The following AVEN variants were observed in gnomAD, a reference collection of about 807,000 sequenced individuals.
The protein encoded by AVEN is cell death regulator Aven.
In AVEN, 41 loss-of-function variants were observed where a neutral mutation model predicts 38.1. The ratio of observed to expected loss-of-function variants is 1.08; its 90% confidence interval spans 0.84 to 1.40. The LOEUF (loss-of-function observed/expected upper bound fraction) is 1.40, where lower values mean the gene tolerates loss of function less well. Ranked by LOEUF, AVEN falls within the 40% of genes most tolerant of loss-of-function variation. AVEN has a pLI of 0.00. For missense variants in AVEN, 605 were observed against 438.8 expected, an observed-to-expected ratio of 1.38 and a Z score of -3.38; for synonymous variants, 206 against 171.8, an observed-to-expected ratio of 1.20 and a Z score of -1.56.
exon 12 of AVEN, chr15:33,859,000 T>TAAGA (rs2080040551): frequency 6.5e-6 from 1 of 153,086 alleles, no homozygotes; most frequent in East Asian, 1.9e-4. Context: ...TTTCCAGGTG[T>TAAGA]AAGACGGTCC....
chr15:33,992,223 T>TA (rs1049636446), intron 2 of AVEN, among the ~76,000 whole-genome samples: 3 of 152,050 alleles, frequency 2.0e-5, no homozygotes, highest in Non-Finnish European at 2.9e-5. Flanking sequence ...CCGTCTCTAC[T>TA]AAAAAAATAC....
chr15:33,877,423 C>A (rs1891286978), intron 2 of AVEN, among the ~76,000 whole-genome samples: 1 of 152,146 alleles, frequency 6.6e-6, no homozygotes, highest in Non-Finnish European at 1.5e-5. Flanking sequence ...TCTGGAAAAC[C>A]AAAACAATGA....
At chr15:33,858,609 A>T (rs1229174046), downstream of AVEN, 1 of 152,742 alleles carries the variant, frequency 6.5e-6, no homozygotes, top group African/African-American at 2.4e-5. Context: ...ATGGACCGGG[A>T]TTAAGCACTT....
intron 5 of AVEN, among the ~76,000 whole-genome samples, chr15:34,056,077 G>A (rs1900137080): frequency 6.6e-6 from 1 of 152,134 alleles, no homozygotes; most frequent in African/African-American, 2.4e-5. Context: ...AAAATATGCT[G>A]AGGGCTGTTT....
At chr15:33,963,746 G>A (rs942505703) in intron 2 of AVEN, among the ~76,000 whole-genome samples, 2 of 145,912 alleles carry the variant, frequency 1.4e-5, no homozygotes, top group African/African-American at 2.5e-5. Context: ...GCAGTGAGCC[G>A]AGATCGCACC....
intron 1 of AVEN, among the ~76,000 whole-genome samples, chr15:34,036,363 C>G (rs1481693640): frequency 6.6e-6 from 1 of 152,074 alleles, no homozygotes; most frequent in Admixed American, 6.6e-5. Flanking sequence ...AAATAGAAAG[C>G]AAAGGTGTAC....
At chr15:34,032,659 C>T (rs536631026) in intron 1 of AVEN, among the ~76,000 whole-genome samples, 85 of 152,256 alleles carry the variant, frequency 5.6e-4, no homozygotes, top group African/African-American at 2.0e-3. Flanking sequence ...AGTATATGAG[C>T]AGTATGTTTT....
intron 2 of AVEN, among the ~76,000 whole-genome samples, chr15:33,909,041 C>G (rs1035711581): frequency 2.0e-5 from 3 of 152,202 alleles, no homozygotes; most frequent in Non-Finnish European, 2.9e-5. Flanking sequence ...TTTTCTACCA[C>G]TCTGAGCTGC....
At chr15:33,851,887 T>C in the AVEN span, 1 of 152,146 alleles carries the variant, frequency 6.6e-6, no homozygotes, top group Non-Finnish European at 1.5e-5. Context: ...AAAGTCAAAA[T>C]AATTGTTATT....
chr15:33,985,409 G>GGGCA (rs1896386440), intron 2 of AVEN, among the ~76,000 whole-genome samples: 1 of 151,184 alleles, frequency 6.6e-6, no homozygotes, highest in Non-Finnish European at 1.5e-5. Flanking sequence ...ACTGAGCTGA[G>GGGCA]TGCATGCCCT....
intron 1 of AVEN, among the ~76,000 whole-genome samples, chr15:34,008,109 G>A (rs891260028): frequency 1.3e-5 from 2 of 151,968 alleles, no homozygotes; most frequent in African/African-American, 4.8e-5. Context: ...ACCTATCACA[G>A]GAGAAAAAAA....
chr15:33,961,931 A>G (rs1452712573), intron 2 of AVEN, among the ~76,000 whole-genome samples: 1 of 152,156 alleles, frequency 6.6e-6, no homozygotes, highest in African/African-American at 2.4e-5. Context: ...AATGTTCCAT[A>G]TCAAAAATCA....
chr15:33,918,494 T>C, intron 2 of AVEN, among the ~76,000 whole-genome samples: 1 of 136,550 alleles, frequency 7.3e-6, no homozygotes, highest in African/African-American at 2.9e-5. Flanking sequence ...TGTGAGACAG[T>C]CTTGCTCTGT....
intron 2 of AVEN, among the ~76,000 whole-genome samples, chr15:34,069,549 C>CA (rs1208799864): frequency 1.3e-5 from 2 of 152,184 alleles, no homozygotes; most frequent in East Asian, 3.9e-4. Flanking sequence ...AAGAATATCA[C>CA]AATGCGTTAC....
Position 33,989,004 on chromosome 15 carries a change from A to G in AVEN, c.445+14028T>C, listed in dbSNP as rs148447638. Among the ~76,000 whole-genome samples, 95 of 152,236 alleles carry G rather than the reference A, an allele frequency of 6.2e-4. 1 individual carries two copies. The East Asian group carries it at 0.017, about 27-fold the overall frequency. On this transcript the variant is annotated intron_variant, in intron 2 of 5. Coordinates refer to ENST00000306730, the MANE Select transcript of AVEN (RefSeq NM_020371.3). ...TACAGCTTGGAAAACACAAATTATT[A>G]AACCATTTCTCAGGCTTCTTTTGCT...
At chr15:33,862,295 C>G (rs1388330209), downstream of AVEN, among the ~76,000 whole-genome samples, 5 of 152,176 alleles carry the variant, frequency 3.3e-5, no homozygotes, top group Admixed American at 1.3e-4. Flanking sequence ...TCACTGCAAC[C>G]TCCACCTCCC....
At chr15:33,952,160 A>T (rs1351574496) in intron 2 of AVEN, among the ~76,000 whole-genome samples, 2 of 152,234 alleles carry the variant, frequency 1.3e-5, no homozygotes, top group Non-Finnish European at 2.9e-5. Context: ...GGATATATAG[A>T]TAACAGCAGC....
Position 34,003,220 on chromosome 15 carries a change from T to C in AVEN, c.268-11A>G. On this transcript the variant is annotated splice_polypyrimidine_tract_variant and intron_variant, in intron 1 of 5. Coordinates refer to ENST00000306730, the MANE Select transcript of AVEN (RefSeq NM_020371.3). The stretch of plus-strand genomic sequence containing the variant: ...GCTGTCATCTTCAACCTGCAATCAT[T>C]AGAGACAAATCAATAAGTAAGCAGT... 6.2e-7 allele frequency: 1 copy of C among 1,612,278 alleles called. No homozygotes were observed. Among genetic ancestry groups the C allele is most frequent in the Non-Finnish European group, 8.5e-7 (1 of 1,179,504 alleles).
chr15:33,915,493 A>C (rs891915289), intron 2 of AVEN, among the ~76,000 whole-genome samples: 2 of 152,210 alleles, frequency 1.3e-5, no homozygotes, highest in Admixed American at 6.5e-5. Context: ...ACAGGAGTAG[A>C]AGAAGCAGCG....
Sources: gnomAD v4.1 joint callset for allele counts (sites outside exome capture counted in the v4.1 genomes callset) on GRCh38, gnomAD v4.1.1 for gene constraint, MANE v1.5 for transcripts, NCBI Gene and HGNC (gene_info 2026-07-23, HGNC 2026-07-21) for gene names.